Variants in ITPR2 observed in about 807,000 individuals in gnomAD.
ITPR2 encodes the protein inositol 1,4,5-trisphosphate receptor type 2.
Under a neutral mutation model 317.1 loss-of-function variants are expected in ITPR2, and 207 were observed. That is an observed-to-expected ratio of 0.65 (90% CI 0.58 to 0.73). The LOEUF (loss-of-function observed/expected upper bound fraction) is 0.73. Ranked by LOEUF, ITPR2 falls within the 30% of genes least tolerant of loss-of-function variation. ITPR2 has a pLI of 0.00. For missense variants in ITPR2, 2,613 were observed against 3,284.0 expected (o/e 0.80, Z 4.99); for synonymous variants, 1,156 against 1,149.1 (o/e 1.01, Z -0.12).
At chr12:26,707,961 A>C (rs1948585111) in intron 9 of ITPR2, among the ~76,000 whole-genome samples, 1 of 152,236 alleles carries the variant, frequency 6.6e-6, no homozygotes, top group Admixed American at 6.5e-5. Context: ...ATTTCTCAAA[A>C]GAAGACATAC....
At chr12:26,345,664 A>G (rs1266989942) in intron 55 of ITPR2, among the ~76,000 whole-genome samples, 1 of 152,158 alleles carries the variant, frequency 6.6e-6, no homozygotes, top group African/African-American at 2.4e-5. Flanking sequence ...ATGCTTTTCC[A>G]TTGAAAGTAG....
chr12:26,367,100 G>T (rs958636282), intron 55 of ITPR2, among the ~76,000 whole-genome samples: 14 of 152,086 alleles, frequency 9.2e-5, no homozygotes, highest in Non-Finnish European at 2.1e-4. Flanking sequence ...ATGTAGATTG[G>T]ATATACCCAA....
rs71069245 is a variant in ITPR2, at chr12:26,494,771, GAAAAAAA to G, written c.5182+374_5182+380del. 4.2e-4 allele frequency among the ~76,000 whole-genome samples: 21 copies of G among 50,360 alleles called. No homozygotes were observed. In the South Asian group the frequency reaches 8.4e-3, roughly 20 times the overall value. 33.0% of individuals were successfully genotyped at this position (50,360 alleles called of 152,430 possible). ...GGTGACAGAGTGAGACTCTGCCTCA[GAAAAAAA>G]AAAAAAAAAAAAAAAAAGCTTGAGT... On this transcript the variant is annotated intron_variant, in intron 38 of 56. Coordinates refer to ENST00000381340, the MANE Select transcript of ITPR2 (RefSeq NM_002223.4).
chr12:26,353,119 G>A (rs1293902135), intron 55 of ITPR2, among the ~76,000 whole-genome samples: 1 of 152,072 alleles, frequency 6.6e-6, no homozygotes, highest in African/African-American at 2.4e-5. Flanking sequence ...GACAATGAAG[G>A]TCTCCTAATA....
rs748667387 is a variant in ITPR2 at position 26,659,154 on chromosome 12, T to C, written c.1845A>G (p.Ile615Met). The C allele has an allele frequency of 6.2e-7, 1 of 1,613,680 alleles. No homozygotes were observed. The change falls in exon 16 of 57, where the codon ATA becomes ATG. Residue 615 changes from isoleucine to methionine, a missense_variant. Physicochemically the swap from Ile to Met is conservative, Grantham distance 10. This residue lies in a region of ITPR2 where 515 missense variants were observed against 789.4 expected (regional missense o/e 0.65). Coordinates refer to ENST00000381340, the MANE Select transcript of ITPR2 (RefSeq NM_002223.4). ...TCCTGAGTAAACTGACAAATGTTTCTATTTCTTTTGCTGTGATATGTTTCT... is the reference window on the plus strand; with the variant it reads ...TCCTGAGTAAACTGACAAATGTTTCCATTTCTTTTGCTGTGATATGTTTCT... The part of the protein sequence containing the change: ...LLEKHITAKE[I>M]ETFVSLLRRN...
At chr12:26,660,856 T>C (rs970210355) in intron 15 of ITPR2, among the ~76,000 whole-genome samples, 1 of 151,998 alleles carries the variant, frequency 6.6e-6, no homozygotes, top group Non-Finnish European at 1.5e-5. Flanking sequence ...ATTAAATATA[T>C]GGGTGAGTGT....
chr12:26,433,049 T>C (rs1346499565), intron 48 of ITPR2, among the ~76,000 whole-genome samples: 1 of 152,238 alleles, frequency 6.6e-6, no homozygotes, highest in Non-Finnish European at 1.5e-5. Context: ...CTTAGCTCTG[T>C]TTCCTCAGCA....
intron 26 of ITPR2, among the ~76,000 whole-genome samples, chr12:26,610,054 G>A (rs937234854): frequency 6.6e-6 from 1 of 152,146 alleles, no homozygotes; most frequent in African/African-American, 2.4e-5. Flanking sequence ...TTCCATAAAA[G>A]GAAAATTCAG....
chr12:26,600,208 C>T (rs1375007599), intron 28 of ITPR2, 99 bp from the exon 29 acceptor site: 10 of 1,020,540 alleles, frequency 9.8e-6, no homozygotes, highest in African/African-American at 1.6e-5. Flanking sequence ...TTTCTCTCTG[C>T]CCATCTTTGA....
At chr12:26,388,897 C>T (rs1057107928) in intron 54 of ITPR2, among the ~76,000 whole-genome samples, 1 of 152,160 alleles carries the variant, frequency 6.6e-6, no homozygotes, top group Admixed American at 6.6e-5. Flanking sequence ...CACCCACAGT[C>T]CTCCCCTTTT....
intron 37 of ITPR2, 151 bp downstream of exon 37, chr12:26,550,096 C>T: frequency 2.4e-6 from 1 of 424,548 alleles, no homozygotes; most frequent in South Asian, 5.5e-5. Context: ...AGATGAATAT[C>T]ATAAAAACTC....
intron 49 of ITPR2, among the ~76,000 whole-genome samples, chr12:26,420,918 C>G (rs1940870269): frequency 1.3e-5 from 2 of 151,986 alleles, no homozygotes; most frequent in African/African-American, 4.8e-5. Context: ...TAAATGTGTA[C>G]TATTTACCTT....
intron 1 of ITPR2, among the ~76,000 whole-genome samples, chr12:26,805,538 G>A (rs753804492): frequency 2.6e-5 from 4 of 151,968 alleles, no homozygotes; most frequent in Non-Finnish European, 5.9e-5. Context: ...ACAAAGAAAT[G>A]TATTCATTCC....
intron 2 of ITPR2, among the ~76,000 whole-genome samples, chr12:26,776,408 C>T (rs969538568): frequency 6.6e-6 from 1 of 152,124 alleles, no homozygotes; most frequent in East Asian, 1.9e-4. Flanking sequence ...GCTAAGACTG[C>T]CCTGAGTGAG....
intron 37 of ITPR2, among the ~76,000 whole-genome samples, chr12:26,509,977 T>C (rs1284171279): frequency 9.2e-6 from 1 of 108,268 alleles, no homozygotes; most frequent in East Asian, 2.5e-4. Context: ...TGTGTGTGTG[T>C]GTGTGTGTGT....
intron 2 of ITPR2, among the ~76,000 whole-genome samples, chr12:26,778,863 C>T (rs1245360804): frequency 2.4e-4 from 37 of 152,102 alleles, no homozygotes; most frequent in Admixed American, 2.2e-3. Flanking sequence ...TGGTGTGGGG[C>T]CTGTCAAGAT....
At chr12:26,467,300 A>C (rs1942191743) in intron 45 of ITPR2, among the ~76,000 whole-genome samples, 1 of 152,170 alleles carries the variant, frequency 6.6e-6, no homozygotes, top group Non-Finnish European at 1.5e-5. Context: ...CTTTAGCATG[A>C]CATAAAAAAT....
intron 37 of ITPR2, among the ~76,000 whole-genome samples, chr12:26,505,526 C>G (rs1188671906): frequency 6.6e-6 from 1 of 152,164 alleles, no homozygotes; most frequent in African/African-American, 2.4e-5. Flanking sequence ...ATATCTTCCT[C>G]AGAGTCATCC....
chr12:26,507,809 T>C, intron 37 of ITPR2, among the ~76,000 whole-genome samples: 1 of 151,722 alleles, frequency 6.6e-6, no homozygotes, highest in East Asian at 1.9e-4. Flanking sequence ...CTAATACTCC[T>C]AAGGTGTGGA....
Sources: allele counts gnomAD v4.1 joint callset (sites outside exome capture counted in the v4.1 genomes callset), GRCh38; gene constraint gnomAD v4.1.1; regional missense constraint gnomAD v4.1.1; transcripts MANE v1.5; gene names NCBI Gene and HGNC (gene_info 2026-07-23, HGNC 2026-07-21).